The following SHISA9 variants were observed in gnomAD, a reference collection of about 807,000 sequenced individuals.
SHISA9 encodes protein shisa-9.
A neutral mutation model predicts 38.0 loss-of-function variants in SHISA9; 13 were observed. The ratio of observed to expected loss-of-function variants is 0.34; its 90% confidence interval spans 0.22 to 0.54. The LOEUF is 0.54. Among genes scored for constraint, SHISA9 ranks in the 20% least tolerant of loss-of-function variants. The probability of loss-of-function intolerance (pLI) is 0.91; values close to 1 mark genes in which losing one functional copy is unlikely to be tolerated. For missense variants in SHISA9, 538 were observed against 575.8 expected, an observed-to-expected ratio of 0.93 and a Z score of 0.67; for synonymous variants, 275 against 242.0, an observed-to-expected ratio of 1.14 and a Z score of -1.27.
chr16:13,454,865 C>A, the SHISA9 span, among the ~76,000 whole-genome samples: 1,688 of 152,326 alleles, frequency 0.011, 34 homozygotes, highest in African/African-American at 0.036. Context: ...TCCTTCATTA[C>A]AAACTCATTA....
the SHISA9 span, among the ~76,000 whole-genome samples, chr16:13,257,526 G>T: frequency 3.3e-5 from 5 of 152,176 alleles, no homozygotes; most frequent in South Asian, 8.3e-4. Flanking sequence ...CTTGGCCTAT[G>T]TGAGGCTTTA....
downstream of SHISA9, among the ~76,000 whole-genome samples, chr16:13,242,693 G>T (rs79214353): frequency 0.012 from 1,756 of 152,256 alleles, 23 homozygotes; most frequent in Non-Finnish European, 0.014. Context: ...TTTTCCTTCA[G>T]AAGGAGGAGG....
chr16:13,515,783 T>C, the SHISA9 span, among the ~76,000 whole-genome samples: 3 of 152,180 alleles, frequency 2.0e-5, no homozygotes, highest in Non-Finnish European at 4.4e-5. Context: ...AGGGAAGAAT[T>C]TACCACCTTA....
chr16:13,226,352 C>A (rs1302596391), intron 4 of SHISA9, among the ~76,000 whole-genome samples: 1 of 152,182 alleles, frequency 6.6e-6, no homozygotes, highest in Non-Finnish European at 1.5e-5. Flanking sequence ...CAGTTCAGTG[C>A]CTACACTGTG....
At chr16:12,981,586 C>T (rs2072240551) in intron 2 of SHISA9, among the ~76,000 whole-genome samples, 1 of 152,186 alleles carries the variant, frequency 6.6e-6, no homozygotes, top group African/African-American at 2.4e-5. Context: ...AGCAGTCTAG[C>T]CAGCTCAGCA....
At chr16:13,072,801 C>T (rs933246500) in intron 2 of SHISA9, among the ~76,000 whole-genome samples, 3 of 152,052 alleles carry the variant, frequency 2.0e-5, no homozygotes, top group Non-Finnish European at 4.4e-5. Context: ...GCTGAGATTA[C>T]AGGCGCCTGC....
the SHISA9 span, among the ~76,000 whole-genome samples, chr16:13,278,259 A>G: frequency 6.6e-6 from 1 of 152,126 alleles, no homozygotes; most frequent in Non-Finnish European, 1.5e-5. Context: ...CATCCCTAGC[A>G]TGAAATCCAC....
chr16:13,124,583 C>T (rs1258646746), intron 2 of SHISA9, among the ~76,000 whole-genome samples: 8 of 152,156 alleles, frequency 5.3e-5, no homozygotes, highest in Non-Finnish European at 5.9e-5. Context: ...TGGGCATCCA[C>T]CATGATCTGG....
chr16:12,902,837 T>C (rs559258991), intron 1 of SHISA9: 2 of 575,704 alleles, frequency 3.5e-6, no homozygotes, highest in East Asian at 5.8e-5. Context: ...AGCGTGTTCG[T>C]GTGTGTGTGA....
chr16:13,173,213 A>G (rs2050703082), intron 2 of SHISA9, among the ~76,000 whole-genome samples: 1 of 151,154 alleles, frequency 6.6e-6, no homozygotes, highest in African/African-American at 2.4e-5. Context: ...CCAGAAACAA[A>G]GAGTTTTTAG....
chr16:13,500,981 T>A, the SHISA9 span, among the ~76,000 whole-genome samples: 1 of 152,166 alleles, frequency 6.6e-6, no homozygotes, highest in African/African-American at 2.4e-5. Context: ...GGGAGCACTA[T>A]AGGAGCCTAA....
intron 2 of SHISA9, among the ~76,000 whole-genome samples, chr16:13,092,462 T>G (rs554972450): frequency 2.2e-4 from 33 of 152,352 alleles, no homozygotes; most frequent in African/African-American, 7.2e-4. Context: ...CTTGTTGAGC[T>G]GTGGTGGGCT....
chr16:12,953,103 A>T (rs1221910701), intron 2 of SHISA9, among the ~76,000 whole-genome samples: 4 of 151,834 alleles, frequency 2.6e-5, no homozygotes, highest in Non-Finnish European at 5.9e-5. Context: ...TGTGTGTGGG[A>T]TGTCTCTTTT....
chr16:13,334,334 C>G, the SHISA9 span, among the ~76,000 whole-genome samples: 1 of 152,174 alleles, frequency 6.6e-6, no homozygotes, highest in Non-Finnish European at 1.5e-5. Flanking sequence ...ACACATGTGG[C>G]TGACTATGAG....
the SHISA9 span, among the ~76,000 whole-genome samples, chr16:13,423,092 C>G: frequency 6.6e-6 from 1 of 152,198 alleles, no homozygotes; most frequent in Non-Finnish European, 1.5e-5. Context: ...GAGGAAGGAG[C>G]TTGATCAGCT....
chr16:13,416,757 A>AG, the SHISA9 span, among the ~76,000 whole-genome samples: 22 of 120,712 alleles, frequency 1.8e-4, no homozygotes, highest in South Asian at 3.5e-3. Context: ...GAAGGAAGGA[A>AG]GGAAGGAAGG....
At chr16:13,177,546 T>A (rs997642458) in intron 2 of SHISA9, among the ~76,000 whole-genome samples, 7 of 152,256 alleles carry the variant, frequency 4.6e-5, no homozygotes, top group East Asian at 3.9e-4. Context: ...TTATTTTTTT[T>A]AAAAAGCGCA....
intron 2 of SHISA9, among the ~76,000 whole-genome samples, chr16:12,948,137 T>C (rs2071710368): frequency 6.6e-6 from 1 of 152,184 alleles, no homozygotes; most frequent in Non-Finnish European, 1.5e-5. Context: ...TTATAATGCG[T>C]CTATGATATC....
At chr16:13,469,826 T>C in the SHISA9 span, among the ~76,000 whole-genome samples, 1 of 146,202 alleles carries the variant, frequency 6.8e-6, no homozygotes, top group South Asian at 2.3e-4. Flanking sequence ...AATTTCACCA[T>C]TAAGCACAGT....
Sources: allele counts gnomAD v4.1 joint callset (sites outside exome capture counted in the v4.1 genomes callset), GRCh38; gene constraint gnomAD v4.1.1; transcripts MANE v1.5; gene names NCBI Gene and HGNC (gene_info 2026-07-23, HGNC 2026-07-21).